XDH: variants seen among roughly 807,000 people sequenced by gnomAD.
XDH encodes xanthine dehydrogenase, also known as xanthine dehydrogenase/oxidase.
Under a neutral mutation model 156.1 loss-of-function variants are expected in XDH, and 138 were observed. The observed-to-expected ratio is 0.88, with a 90% CI of 0.77 to 1.02. XDH has a LOEUF of 1.02. Among genes scored for constraint, XDH ranks in the 50% least tolerant of loss-of-function variants. The pLI is 0.00. For missense variants in XDH, 1,849 were observed against 1,684.9 expected, an observed-to-expected ratio of 1.10 and a Z score of -1.71; for synonymous variants, 669 against 625.7, an observed-to-expected ratio of 1.07 and a Z score of -1.03.
At chr2:31,367,398 C>T (rs533166728) in intron 20 of XDH, among the ~76,000 whole-genome samples, 6 of 152,324 alleles carry the variant, frequency 3.9e-5, no homozygotes, top group East Asian at 1.9e-4. Context: ...GGTGGAGAGT[C>T]GGCTTCATAC....
chr2:31,403,894 CACCCACT>C (rs1242147304), intron 2 of XDH, among the ~76,000 whole-genome samples: 1 of 152,144 alleles, frequency 6.6e-6, no homozygotes, highest in Non-Finnish European at 1.5e-5. Context: ...GCCTCTAAGC[CACCCACT>C]ACCTACTGAA....
In XDH at chr2:31,375,370, C is replaced by A; in HGVS notation, c.1602+10G>T. ...TACAGAGAGCCTGTGCCTGGCCAGGCCCCACTCACGTCTTCCAGGTTCTCT... is the reference window on the plus strand; with the variant it reads ...TACAGAGAGCCTGTGCCTGGCCAGGACCCACTCACGTCTTCCAGGTTCTCT... On this transcript the variant is annotated intron_variant, in intron 15 of 35. Coordinates refer to ENST00000379416, the MANE Select transcript of XDH (RefSeq NM_000379.4). 1.9e-6 allele frequency: 3 copies of A among 1,614,154 alleles called. No individual in the cohort carries two copies. The highest frequency in any genetic ancestry group is 2.5e-6 in the Non-Finnish European group (3 of 1,180,028).
chr2:31,393,390 T>C (rs1279554703), intron 6 of XDH, among the ~76,000 whole-genome samples: 1 of 152,234 alleles, frequency 6.6e-6, no homozygotes, highest in East Asian at 1.9e-4. Flanking sequence ...TGCCCCTCTT[T>C]TTCTCTGATA....
At chr2:31,401,196 C>A in intron 4 of XDH, 24 bp downstream of exon 4, 1 of 1,612,366 alleles carries the variant, frequency 6.2e-7, no homozygotes, top group Non-Finnish European at 8.5e-7. Flanking sequence ...ATCTCAAGAG[C>A]ACAGCTCCCT....
chr2:31,374,299 T>C (rs45466195), intron 15 of XDH, among the ~76,000 whole-genome samples: 4,607 of 152,328 alleles, frequency 0.03, 85 homozygotes, highest in South Asian at 0.074. Context: ...TCCTCAATTC[T>C]GTGGGAAGCA....
At chr2:31,384,145 T>TGTGTGTGTGTGC (rs1553310592) in intron 9 of XDH, 1 of 391,676 alleles carries the variant, frequency 2.6e-6, no homozygotes, top group Non-Finnish European at 4.8e-6. Context: ...TGTGTGTGTG[T>TGTGTGTGTGTGC]GTGTGTGTGT....
chr2:31,364,144 C>G lies in XDH; in HGVS notation c.2631+14G>C, dbSNP rs775110428. 6.2e-7 allele frequency: 1 copy of G among 1,613,440 alleles called. No individual in the cohort carries two copies. Among genetic ancestry groups the G allele is most frequent in the Admixed American group, 1.7e-5 (1 of 60,020 alleles). ...TCAGCTCTGGGTGCAGGGGCGGCTG[C>G]AGGTCCTACTCACACTCTGAGAGAG... On this transcript the variant is annotated intron_variant, in intron 24 of 35. Transcript: ENST00000379416.
At chr2:31,391,803 T>C (rs1330305824) in intron 6 of XDH, among the ~76,000 whole-genome samples, 1 of 152,242 alleles carries the variant, frequency 6.6e-6, no homozygotes, top group Non-Finnish European at 1.5e-5. Context: ...GTTCCACTTA[T>C]ACATTGCTGT....
chr2:31,344,766 T>G lies in XDH; in HGVS notation c.3352-30A>C, dbSNP rs207454. The G allele has an allele frequency of 0.1, 166,722 of 1,612,780 alleles. 11,223 individuals are homozygous for G. Among genetic ancestry groups the G allele is most frequent in the African/African-American group, 0.33 (24,867 of 74,934 alleles). ...GGAGAGGAGATGGCCATCAGGCAGG[T>G]GAAGTGAGGTTTTCAGGAACCCTGA... On this transcript the variant is annotated intron_variant, in intron 30 of 35. Transcript: ENST00000379416.
intron 9 of XDH, 195 bp from the exon 10 acceptor site, chr2:31,384,042 T>C: frequency 1.6e-6 from 1 of 611,164 alleles, no homozygotes; most frequent in Admixed American, 2.5e-5. Flanking sequence ...CTTTGGACTG[T>C]CAGCCCAAAA....
chr2:31,403,582 CCT>C lies in XDH; in HGVS notation c.101-440_101-439del, dbSNP rs568769866. On this transcript the variant is annotated intron_variant, in intron 2 of 35. Coordinates refer to ENST00000379416, the MANE Select transcript of XDH (RefSeq NM_000379.4). ...AATGAGACATTGATCTGTTCTGGGA[CCT>C]CTGAGTCCTTGCTTTTCACTCTGAA... Among the ~76,000 whole-genome samples, 734 of 152,276 alleles carry C rather than the reference CCT, an allele frequency of 4.8e-3. 5 individuals carry two copies. The highest frequency in any genetic ancestry group is 0.017 in the African/African-American group (695 of 41,562).
Position 31,411,434 on chromosome 2 carries a change from C to T in XDH, c.42+3191G>A, listed in dbSNP as rs1025332407. Among the ~76,000 whole-genome samples, 38 of 151,746 alleles carry T rather than the reference C, an allele frequency of 2.5e-4. 1 individual carries two copies. Among genetic ancestry groups the T allele is most frequent in the Non-Finnish European group, 1.8e-4 (12 of 67,978 alleles). On this transcript the variant is annotated intron_variant, in intron 1 of 35. Coordinates refer to ENST00000379416, the MANE Select transcript of XDH (RefSeq NM_000379.4). Reference sequence around the variant, plus strand: ...GTACATTAATATATAGAATTATTTACGTACTTATAATACATACATGTGTAT... The same window carrying T: ...GTACATTAATATATAGAATTATTTATGTACTTATAATACATACATGTGTAT...
chr2:31,349,577 A>C, intron 26 of XDH, 109 bp downstream of exon 26: 1 of 1,495,374 alleles, frequency 6.7e-7, no homozygotes, highest in Non-Finnish European at 9.2e-7. Flanking sequence ...CAAACTCAGC[A>C]GTCTCATAAG....
At chr2:31,397,065 A>C (rs779102154) in intron 6 of XDH, among the ~76,000 whole-genome samples, 14 of 152,360 alleles carry the variant, frequency 9.2e-5, no homozygotes, top group Non-Finnish European at 1.3e-4. Context: ...TAAGCCAAGA[A>C]AGGAGATGCC....
At chr2:31,338,531 A>C (rs1237617197) in intron 34 of XDH, among the ~76,000 whole-genome samples, 1 of 152,092 alleles carries the variant, frequency 6.6e-6, no homozygotes, top group African/African-American at 2.4e-5. Flanking sequence ...TTCCCCACCC[A>C]CTATGGTAAA....
Position 31,336,229 on chromosome 2 carries a change from G to C in XDH, c.3952-221C>G, listed in dbSNP as rs2268800. Among the ~76,000 whole-genome samples the C allele has an allele frequency of 0.42, 63,962 of 152,152 alleles. 14,934 individuals carry two copies. Among genetic ancestry groups the C allele is most frequent in the East Asian group, 0.59 (3,074 of 5,168 alleles). On this transcript the variant is annotated intron_variant, in intron 35 of 35. Transcript: ENST00000379416. ...TTTCCACATGGCAGGCGTTCTATTA[G>C]GTTTTGGAGATATGGTGACAAACAA...
intron 31 of XDH, 86 bp downstream of exon 31, chr2:31,344,598 G>C (rs1685228862): frequency 3.3e-6 from 5 of 1,495,730 alleles, no homozygotes; most frequent in Non-Finnish European, 4.7e-6. Flanking sequence ...CCTGACCACA[G>C]CCTGGCAGGA....
rs6718606 is a variant in XDH, at chr2:31,380,741, C to A, written c.1133-765G>T. Among the ~76,000 whole-genome samples, 6 of 152,168 alleles carry A rather than the reference C, an allele frequency of 3.9e-5. No individual in the cohort carries two copies. In the East Asian group the frequency reaches 9.7e-4, roughly 25 times the overall value. ...ATCCTCCTGCTATAATAAGTCATAG[C>A]CAGGAATATGACGGCATGCTGAATC... On this transcript the variant is annotated intron_variant, in intron 12 of 35. Coordinates refer to ENST00000379416, the MANE Select transcript of XDH (RefSeq NM_000379.4).
At chr2:31,336,088 A>C (rs1316149222) in intron 35 of XDH, 80 bp from the exon 36 acceptor site, 1 of 1,423,794 alleles carries the variant, frequency 7.0e-7, no homozygotes, top group Non-Finnish European at 9.9e-7. Flanking sequence ...CTCACCTCCC[A>C]CCACTGCCAA....
Sources: allele counts gnomAD v4.1 joint callset (sites outside exome capture counted in the v4.1 genomes callset), GRCh38; gene constraint gnomAD v4.1.1; transcripts MANE v1.5; gene names NCBI Gene and HGNC (gene_info 2026-07-23, HGNC 2026-07-21).